The following NSMCE2 variants were observed in gnomAD, a reference collection of about 807,000 sequenced individuals.
The protein encoded by NSMCE2 is NSE2 SUMO ligase component of SMC5/6 complex.
Under a neutral mutation model 23.8 loss-of-function variants are expected in NSMCE2, and 24 were observed. That is an observed-to-expected ratio of 1.01 (90% CI 0.73 to 1.42). The LOEUF is 1.42. NSMCE2 is among the 40% of genes most tolerant of loss of function. The probability of loss-of-function intolerance (pLI) is 0.00; values close to 1 mark genes in which losing one functional copy is unlikely to be tolerated. For synonymous variants in NSMCE2, 92 were observed against 94.1 expected, an observed-to-expected ratio of 0.98 and a Z score of 0.13; for missense variants, 284 against 296.5, an observed-to-expected ratio of 0.96 and a Z score of 0.31.
intron 4 of NSMCE2, among the ~76,000 whole-genome samples, chr8:125,178,126 G>A (rs911532588): frequency 6.6e-6 from 1 of 152,210 alleles, no homozygotes; most frequent in South Asian, 2.1e-4. Context: ...TGTCCTCCAG[G>A]CATTAACAAT....
In NSMCE2 at chr8:125,353,837, C is replaced by T. The variant is rs150877820; in HGVS notation, c.419-3382C>T. Among the ~76,000 whole-genome samples the T allele has an allele frequency of 9.3e-3, 1,407 of 151,176 alleles. 23 individuals are homozygous for T. The highest frequency in any genetic ancestry group is 0.031 in the African/African-American group (1,288 of 41,274). ...GGCAGAGGTTGCAATGAGCCAAGAT[C>T]GTGCCATTGCACTCCAGCCTGGGCG... On this transcript the variant is annotated intron_variant, in intron 5 of 7. Coordinates refer to ENST00000287437, the MANE Select transcript of NSMCE2 (RefSeq NM_173685.4).
At chr8:125,186,819 C>T (rs570345254) in intron 5 of NSMCE2, among the ~76,000 whole-genome samples, 1 of 152,206 alleles carries the variant, frequency 6.6e-6, no homozygotes, top group African/African-American at 2.4e-5. Context: ...TTACCATCCC[C>T]AGAATACAAA....
chr8:125,334,727 A>G (rs1830008743), intron 5 of NSMCE2, among the ~76,000 whole-genome samples: 1 of 142,782 alleles, frequency 7.0e-6, no homozygotes, highest in African/African-American at 2.6e-5. Flanking sequence ...TGGGCAGACT[A>G]TGTGTACGAA....
At chr8:125,157,688 A>G (rs541856099) in intron 4 of NSMCE2, among the ~76,000 whole-genome samples, 1 of 152,358 alleles carries the variant, frequency 6.6e-6, no homozygotes, top group South Asian at 2.1e-4. Flanking sequence ...TCGAAGTAAC[A>G]TAGCTGCTAA....
intron 1 of NSMCE2, among the ~76,000 whole-genome samples, chr8:125,093,288 C>T (rs1240075494): frequency 6.6e-6 from 1 of 152,114 alleles, no homozygotes; most frequent in Non-Finnish European, 1.5e-5. Flanking sequence ...CCCAAGAGGC[C>T]CCACCTCCTA....
At chr8:125,256,301 A>G (rs1826410870) in intron 5 of NSMCE2, among the ~76,000 whole-genome samples, 1 of 150,180 alleles carries the variant, frequency 6.7e-6, no homozygotes, top group Non-Finnish European at 1.5e-5. Flanking sequence ...AAAAAAAACT[A>G]ACTGATTATA....
At position 125,182,129 on chromosome 8, in the gene NSMCE2, A is replaced by G. The variant is rs199627612; in HGVS notation, c.291A>G (p.Ile97Met). ...NHVKEERPEKIPDLKLLVEKK... is the reference protein window; with the variant it reads ...NHVKEERPEKMPDLKLLVEKK... ...TGAAAGAAGAACGTCCAGAAAAAAT[A>G]CCAGATTTAAAATTATTGGTAGAGA... The change falls in exon 5 of 8, where the codon ATA becomes ATG. Residue 97 changes from isoleucine (I) to methionine (M), a missense_variant. Around this residue, in one of 2 missense-constraint regions of NSMCE2, gnomAD observed 182 missense variants for 155.5 expected, o/e 1.17. Transcript: ENST00000287437. The G allele has an allele frequency of 4.9e-5, 79 of 1,599,356 alleles. No homozygotes were observed. In the African/African-American group the frequency reaches 9.7e-4, roughly 20 times the overall value.
chr8:125,182,394 G>T, intron 5 of NSMCE2, 138 bp downstream of exon 5: 1 of 735,818 alleles, frequency 1.4e-6, no homozygotes, highest in Non-Finnish European at 2.4e-6. Flanking sequence ...TTTTATTGTT[G>T]TTGCAATTCT....
Position 125,260,598 on chromosome 8 carries a change from T to C in NSMCE2, c.418+78342T>C, listed in dbSNP as rs560604823. ...TCTAGGTGGCCGTCTTCTTTGTGGT[T>C]TAATTCCCTAATTTCATTTCATTTA... On this transcript the variant is annotated intron_variant, in intron 5 of 7. Coordinates refer to ENST00000287437, the MANE Select transcript of NSMCE2 (RefSeq NM_173685.4). Among the ~76,000 whole-genome samples, 17 of 150,086 alleles carry C rather than the reference T, an allele frequency of 1.1e-4. No individual in the cohort carries two copies. In the East Asian group the frequency reaches 3.3e-3, roughly 29 times the overall value.
intron 3 of NSMCE2, among the ~76,000 whole-genome samples, chr8:125,133,162 T>C (rs377542938): frequency 1.4e-4 from 21 of 152,326 alleles, no homozygotes; most frequent in African/African-American, 4.8e-4. Flanking sequence ...AGATATCCAC[T>C]AGAGGATGAT....
intron 5 of NSMCE2, among the ~76,000 whole-genome samples, chr8:125,291,332 G>T (rs1278038137): frequency 2.0e-5 from 3 of 152,164 alleles, no homozygotes; most frequent in African/African-American, 7.2e-5. Flanking sequence ...CTAAAAGGTT[G>T]CTGTAAAGAA....
intron 5 of NSMCE2, among the ~76,000 whole-genome samples, chr8:125,204,145 C>G (rs572508984): frequency 1.3e-5 from 2 of 152,118 alleles, no homozygotes; most frequent in Non-Finnish European, 2.9e-5. Context: ...TTCATGTGAC[C>G]TTTTTTCCCC....
At chr8:125,200,281 C>G (rs1176332538) in intron 5 of NSMCE2, among the ~76,000 whole-genome samples, 1 of 152,158 alleles carries the variant, frequency 6.6e-6, no homozygotes, top group Non-Finnish European at 1.5e-5. Context: ...ATGGTCTTTA[C>G]AGTTTGGCAT....
At chr8:125,292,294 C>G (rs1317017961) in intron 5 of NSMCE2, among the ~76,000 whole-genome samples, 1 of 151,744 alleles carries the variant, frequency 6.6e-6, no homozygotes, top group African/African-American at 2.4e-5. Flanking sequence ...GTGGCTCACA[C>G]CTGTAATCCC....
chr8:125,241,122 A>G (rs924811909), intron 5 of NSMCE2, among the ~76,000 whole-genome samples: 2 of 152,254 alleles, frequency 1.3e-5, no homozygotes, highest in African/African-American at 2.4e-5. Context: ...AAATGCTCCA[A>G]TGAGCATTTC....
chr8:125,096,960 T>C (rs1223192342), intron 1 of NSMCE2, among the ~76,000 whole-genome samples: 3 of 152,154 alleles, frequency 2.0e-5, no homozygotes, highest in African/African-American at 7.2e-5. Flanking sequence ...CTTTCTCATA[T>C]GCTTGGTTTG....
At chr8:125,146,047 G>A (rs1004492900) in intron 3 of NSMCE2, among the ~76,000 whole-genome samples, 5 of 152,156 alleles carry the variant, frequency 3.3e-5, no homozygotes, top group African/African-American at 1.2e-4. Flanking sequence ...GATTTCTTAA[G>A]GAATTTGGAA....
rs76244848 is a variant in NSMCE2, at chr8:125,352,565, A to G, written c.419-4654A>G. On this transcript the variant is annotated intron_variant, in intron 5 of 7. Transcript: ENST00000287437. ...TTCAAATGAACCAGTCAGAGAAAAT[A>G]GAACAACACATTGATTTATTAAATT... 4.6e-5 allele frequency among the ~76,000 whole-genome samples: 7 copies of G among 152,278 alleles called. No homozygotes were observed. The East Asian group carries it at 1.3e-3, about 29-fold the overall frequency.
chr8:125,144,678 T>A (rs1367607274), intron 3 of NSMCE2, among the ~76,000 whole-genome samples: 4 of 152,168 alleles, frequency 2.6e-5, no homozygotes, highest in African/African-American at 9.7e-5. Flanking sequence ...TCCTTTCTCC[T>A]TCATTTTGCC....
Sources: allele counts gnomAD v4.1 joint callset (sites outside exome capture counted in the v4.1 genomes callset), GRCh38; gene constraint gnomAD v4.1.1; regional missense constraint gnomAD v4.1.1; transcripts MANE v1.5; gene names NCBI Gene and HGNC (gene_info 2026-07-23, HGNC 2026-07-21).